The following FAT1 variants were observed in gnomAD, a reference collection of about 807,000 sequenced individuals.
FAT1 encodes protocadherin Fat 1.
In FAT1, 171 loss-of-function variants were observed where a neutral mutation model predicts 329.8. The ratio of observed to expected loss-of-function variants is 0.52; its 90% CI spans 0.46 to 0.59. The LOEUF is 0.59. Ranked by LOEUF, FAT1 falls within the 20% of genes least tolerant of loss-of-function variation. FAT1 has a pLI of 0.00. For synonymous variants in FAT1, 2,233 were observed against 2,228.6 expected (o/e 1.00, Z -0.06); for missense variants, 5,672 against 5,774.4 (o/e 0.98, Z 0.57).
chr4:186,621,762 A>C lies in FAT1; in HGVS notation c.4824T>G (p.Asn1608Lys), dbSNP rs1166144136. ...LYSIESGNIG[N>K]SFMIDPVLGS... ...CCAAGACAGGATCAATCATAAAAGA[A>C]TTTCCAATATTTCCTGGAAGGAGAG... The change falls in exon 10 of 27, where the codon AAT becomes AAG. Residue 1608 changes from asparagine (N) to lysine (K), a missense_variant. Around this residue, in one of 2 missense-constraint regions of FAT1, gnomAD observed 3,966 missense variants for 3,915.2 expected, o/e 1.01. Coordinates refer to ENST00000441802, the MANE Select transcript of FAT1 (RefSeq NM_005245.4). 2 of 1,560,136 alleles carry C rather than the reference A, an allele frequency of 1.3e-6. No individual in the cohort carries two copies. Among genetic ancestry groups the C allele is most frequent in the Non-Finnish European group, 1.7e-6 (2 of 1,154,880 alleles).
In FAT1 at chr4:186,618,740, C is replaced by T. The variant is rs371619837; in HGVS notation, c.7846G>A (p.Val2616Ile). Residue 2616 changes from valine to isoleucine, a missense_variant, in exon 10 of 27, where the codon GTT becomes ATT. This residue lies in a region of FAT1 where 3,966 missense variants were observed against 3,915.2 expected (regional missense o/e 1.01). Coordinates refer to ENST00000441802, the MANE Select transcript of FAT1 (RefSeq NM_005245.4). ...GSSAAKGTSV[V>I]KVLASDADEG... ...TCGGCATCACTTGCAAGAACTTTAACGACTGAAGTCCCTTTAGCAGCACTG... is the reference window on the plus strand; with the variant it reads ...TCGGCATCACTTGCAAGAACTTTAATGACTGAAGTCCCTTTAGCAGCACTG... The T allele has an allele frequency of 1.8e-5, 29 of 1,613,900 alleles. No individual in the cohort carries two copies. Among genetic ancestry groups the T allele is most frequent in the East Asian group, 6.7e-5 (3 of 44,896 alleles).
intron 1 of FAT1, among the ~76,000 whole-genome samples, chr4:186,717,469 T>C (rs1376327835): frequency 6.6e-6 from 1 of 152,190 alleles, no homozygotes; most frequent in African/African-American, 2.4e-5. Flanking sequence ...AATATTGCCT[T>C]CACATGATCA....
chr4:186,612,113 C>CTT (rs1343261553), intron 13 of FAT1, among the ~76,000 whole-genome samples: 15 of 124,324 alleles, frequency 1.2e-4, no homozygotes, highest in African/African-American at 4.2e-4. Context: ...CCGGCCAACG[C>CTT]TTTTTTTTTT....
Position 186,600,013 on chromosome 4 carries a change from A to G in FAT1, c.11988T>C (p.Tyr3996=), listed in dbSNP as rs767993888. The change falls in exon 22 of 27, where the codon TAT becomes TAC. Residue 3996 remains tyrosine, a synonymous_variant. Transcript: ENST00000441802. ...ELPLNSKPRS[Y]AHIEESVDVS... Reference sequence around the variant, plus strand: ...CATCCACCGACTCTTCGATGTGTGCATAGCTTCTGGGTTTGCTGTTTAAAG... The same window carrying G: ...CATCCACCGACTCTTCGATGTGTGCGTAGCTTCTGGGTTTGCTGTTTAAAG... 1.2e-6 allele frequency: 2 copies of G among 1,613,872 alleles called. No individual in the cohort carries two copies. The highest frequency in any genetic ancestry group is 2.2e-5 in the South Asian group (2 of 91,082).
chr4:186,678,571 C>T (rs1743055592), intron 2 of FAT1, among the ~76,000 whole-genome samples: 2 of 147,944 alleles, frequency 1.4e-5, no homozygotes, highest in African/African-American at 4.9e-5. Flanking sequence ...CATATATTGT[C>T]ATTAATATCA....
chr4:186,644,291 T>C (rs1395049342), intron 3 of FAT1, among the ~76,000 whole-genome samples: 1 of 152,186 alleles, frequency 6.6e-6, no homozygotes, highest in East Asian at 1.9e-4. Flanking sequence ...AAAAGCAAGT[T>C]AGGAGATAAA....
intron 3 of FAT1, among the ~76,000 whole-genome samples, chr4:186,657,116 A>G (rs1215863180): frequency 6.6e-6 from 1 of 152,194 alleles, no homozygotes; most frequent in Non-Finnish European, 1.5e-5. Flanking sequence ...CAGTTTCCAG[A>G]CAGCTATGCA....
intron 6 of FAT1, among the ~76,000 whole-genome samples, chr4:186,635,432 T>A (rs1740779825): frequency 6.6e-6 from 1 of 152,210 alleles, no homozygotes; most frequent in South Asian, 2.1e-4. Context: ...CTTTAGCAAG[T>A]AAACTTTACT....
chr4:186,634,585 G>C (rs1018478015), intron 6 of FAT1, among the ~76,000 whole-genome samples: 1 of 151,880 alleles, frequency 6.6e-6, no homozygotes, highest in Non-Finnish European at 1.5e-5. Context: ...GCTGGCGAGT[G>C]GGATGGGTGA....
rs761135950 is a variant in FAT1, at chr4:186,613,174, G to A, written c.9398C>T (p.Thr3133Ile). 5 of 1,613,848 alleles carry A rather than the reference G, an allele frequency of 3.1e-6. No homozygotes were observed. The highest frequency in any genetic ancestry group is 4.2e-6 in the Non-Finnish European group (5 of 1,179,876). The change falls in exon 13 of 27, where the codon ACC becomes ATC. Residue 3133 changes from threonine to isoleucine, a missense_variant. This residue lies in a region of FAT1 where 3,966 missense variants were observed against 3,915.2 expected (regional missense o/e 1.01). Coordinates refer to ENST00000441802, the MANE Select transcript of FAT1 (RefSeq NM_005245.4). ...TCCCGGCTCTGTGTTTTCAAACACG[G>A]TGATGGCATAAGGATCGGCAGAGAA... Reference protein sequence around the residue: ...PEFSADPYAITVFENTEPGTL... With the variant: ...PEFSADPYAIIVFENTEPGTL...
At chr4:186,648,709 G>A (rs542117197) in intron 3 of FAT1, among the ~76,000 whole-genome samples, 1 of 152,160 alleles carries the variant, frequency 6.6e-6, no homozygotes, top group African/African-American at 2.4e-5. Context: ...TCTACTGCTC[G>A]AGCCTTTTCC....
intron 7 of FAT1, among the ~76,000 whole-genome samples, chr4:186,629,486 G>C (rs900870261): frequency 6.6e-6 from 1 of 152,206 alleles, no homozygotes; most frequent in Non-Finnish European, 1.5e-5. Context: ...AACTTTGACA[G>C]TAAGAGGATT....
chr4:186,670,441 A>G (rs1396564151), intron 2 of FAT1, among the ~76,000 whole-genome samples: 3 of 152,166 alleles, frequency 2.0e-5, no homozygotes, highest in Non-Finnish European at 4.4e-5. Context: ...AAACAGGGTA[A>G]CTCTTTTGAA....
intron 14 of FAT1, among the ~76,000 whole-genome samples, chr4:186,610,685 A>ATTTAAAATATAAAT (rs200683651): frequency 5.3e-5 from 4 of 75,660 alleles, no homozygotes; most frequent in Non-Finnish European, 1.1e-4. Flanking sequence ...ATAAATATAA[A>ATTTAAAATATAAAT]TTATATAATT....
intron 2 of FAT1, among the ~76,000 whole-genome samples, chr4:186,700,141 A>G (rs1744234302): frequency 6.6e-6 from 1 of 152,198 alleles, no homozygotes; most frequent in Admixed American, 6.5e-5. Flanking sequence ...CGATGGCCTC[A>G]TGTAACTCGA....
At chr4:186,616,699 A>C (rs1023974597) in intron 11 of FAT1, among the ~76,000 whole-genome samples, 20 of 152,134 alleles carry the variant, frequency 1.3e-4, no homozygotes, top group Non-Finnish European at 2.1e-4. Flanking sequence ...TCCTTCCCCC[A>C]AAACAGCTGT....
chr4:186,641,503 G>GAA (rs1741094035), intron 3 of FAT1, among the ~76,000 whole-genome samples: 1 of 152,120 alleles, frequency 6.6e-6, no homozygotes, highest in East Asian at 1.9e-4. Flanking sequence ...ATTGTAATGT[G>GAA]TCCACCAAGA....
In FAT1 at chr4:186,628,300, G is replaced by C. The variant is rs201060026; in HGVS notation, c.4664C>G (p.Thr1555Arg). 2.5e-6 allele frequency: 4 copies of C among 1,613,468 alleles called. No homozygotes were observed. Among genetic ancestry groups the C allele is most frequent in the African/African-American group, 1.3e-5 (1 of 74,892 alleles). Residue 1555 changes from threonine (T) to arginine (R), a missense_variant, in exon 9 of 27, where the codon ACG (threonine) becomes AGG (arginine). Thr to Arg is a moderately conservative substitution (Grantham distance 71, BLOSUM62 -1). Coordinates refer to ENST00000441802, the MANE Select transcript of FAT1 (RefSeq NM_005245.4). ...FARIVVNVSDTNDHAPWFTAS... is the reference protein window; with the variant it reads ...FARIVVNVSDRNDHAPWFTAS... ...GGTGAACCACGGGGCGTGGTCATTC[G>C]TGTCGCTGACATTGACCACAATCCT...
chr4:186,625,873 C>T lies in FAT1; in HGVS notation c.4810+2281G>A, dbSNP rs545163652. ...ACACGCATTGTGGACCCAATGGCAACGCCTACGTACCATGCCCAGGAGGAA... is the reference window on the plus strand; with the variant it reads ...ACACGCATTGTGGACCCAATGGCAATGCCTACGTACCATGCCCAGGAGGAA... On this transcript the variant is annotated intron_variant, in intron 9 of 26. Transcript: ENST00000441802. 4.7e-4 allele frequency among the ~76,000 whole-genome samples: 71 copies of T among 152,346 alleles called. 2 individuals carry two copies. The highest frequency in any genetic ancestry group is 1.4e-3 in the African/African-American group (59 of 41,578).
Sources: allele counts gnomAD v4.1 joint callset (sites outside exome capture counted in the v4.1 genomes callset), GRCh38; gene constraint gnomAD v4.1.1; regional missense constraint gnomAD v4.1.1; transcripts MANE v1.5; gene names NCBI Gene and HGNC (gene_info 2026-07-23, HGNC 2026-07-21).